Variants in PCNT observed in about 807,000 individuals in gnomAD.
The protein encoded by PCNT is pericentrin.
PCNT carries 319 observed loss-of-function variants against 380.4 expected under a neutral mutation model. The ratio of observed to expected loss-of-function variants is 0.84; its 90% CI spans 0.77 to 0.92. The LOEUF is 0.92. Among genes scored for constraint, PCNT ranks in the 40% least tolerant of loss-of-function variants. The probability of loss-of-function intolerance (pLI) is 0.00; values close to 1 mark genes in which losing one functional copy is unlikely to be tolerated. For synonymous variants in PCNT, 1,845 were observed against 1,735.2 expected, an observed-to-expected ratio of 1.06 and a Z score of -1.57; for missense variants, 4,400 against 4,255.3, an observed-to-expected ratio of 1.03 and a Z score of -0.95.
At chr21:46,326,241 C>G (rs1601733638) in intron 1 of PCNT, 136 bp from the exon 2 acceptor site, 3 of 739,298 alleles carry the variant, frequency 4.1e-6, no homozygotes, top group East Asian at 5.4e-5. Context: ...GGAGAGCCAT[C>G]TGTTGGCCAG....
At chr21:46,346,086 C>A in intron 3 of PCNT, 42 bp from the exon 4 acceptor site, 1 of 1,575,876 alleles carries the variant, frequency 6.3e-7, no homozygotes, top group Non-Finnish European at 8.7e-7. Flanking sequence ...TGTGGCTTCT[C>A]ATGTGAATTC....
At chr21:46,381,011 A>C (rs934917961) in intron 15 of PCNT, among the ~76,000 whole-genome samples, 1 of 151,938 alleles carries the variant, frequency 6.6e-6, no homozygotes, top group African/African-American at 2.4e-5. Flanking sequence ...TCTCTACTAA[A>C]AGAAAAATTA....
At chr21:46,335,732 G>A (rs1300843866) in intron 3 of PCNT, among the ~76,000 whole-genome samples, 2 of 142,900 alleles carry the variant, frequency 1.4e-5, no homozygotes, top group Non-Finnish European at 3.0e-5. Context: ...TTGCTCTATT[G>A]CCCAGGCTGG....
intron 7 of PCNT, 36 bp from the exon 8 acceptor site, chr21:46,349,648 T>C: frequency 6.2e-7 from 1 of 1,608,186 alleles, no homozygotes; most frequent in Non-Finnish European, 8.5e-7. Flanking sequence ...GAGAGTGATG[T>C]CTTGTAAACC....
chr21:46,380,915 A>G (rs1204661409), intron 15 of PCNT, among the ~76,000 whole-genome samples: 2 of 152,178 alleles, frequency 1.3e-5, no homozygotes, highest in African/African-American at 4.8e-5. Context: ...CTGTAATCCC[A>G]GCACTTTTGG....
intron 17 of PCNT, among the ~76,000 whole-genome samples, chr21:46,386,354 T>C (rs796830654): frequency 2.5e-4 from 38 of 152,342 alleles, no homozygotes; most frequent in African/African-American, 8.7e-4. Context: ...GGCCCACATG[T>C]CTCGTGGTTC....
chr21:46,418,146 G>A, intron 30 of PCNT, 58 bp from the exon 31 acceptor site: 1 of 1,103,238 alleles, frequency 9.1e-7, no homozygotes, highest in Admixed American at 1.7e-5. Context: ...ACCTGGCAAA[G>A]TCAGCGCTAT....
At chr21:46,442,787 G>GTAC (rs2053644704) in intron 44 of PCNT, 3 of 604,628 alleles carry the variant, frequency 5.0e-6, no homozygotes, top group Non-Finnish European at 8.8e-6. Context: ...AGGTCACAGG[G>GTAC]GCGTACGGCG....
chr21:46,378,844 T>C (rs1436047058), intron 15 of PCNT, among the ~76,000 whole-genome samples: 1 of 152,232 alleles, frequency 6.6e-6, no homozygotes, highest in Non-Finnish European at 1.5e-5. Context: ...CTGCCCTTTG[T>C]GCTCATATTG....
chr21:46,413,856 G>A (rs1230738341), intron 29 of PCNT, among the ~76,000 whole-genome samples: 6 of 152,220 alleles, frequency 3.9e-5, no homozygotes, highest in African/African-American at 9.7e-5. Context: ...GAGATTTAGC[G>A]AGAAAAGCGG....
intron 32 of PCNT, among the ~76,000 whole-genome samples, chr21:46,423,879 G>T (rs1401373898): frequency 4.0e-5 from 6 of 151,614 alleles, no homozygotes; most frequent in African/African-American, 1.2e-4. Context: ...GCTGTCCAGG[G>T]AGCACCTCCA....
At chr21:46,413,973 G>T (rs958062631) in intron 29 of PCNT, among the ~76,000 whole-genome samples, 3 of 149,628 alleles carry the variant, frequency 2.0e-5, no homozygotes, top group Non-Finnish European at 3.0e-5. Context: ...GGTGCAGATG[G>T]CACCTTTATT....
intron 6 of PCNT, among the ~76,000 whole-genome samples, 175 bp downstream of exon 6, chr21:46,347,687 G>A (rs2084117856): frequency 6.6e-6 from 1 of 152,162 alleles, no homozygotes; most frequent in Non-Finnish European, 1.5e-5. Flanking sequence ...ATTTGTATTT[G>A]TCAGAAAACT....
intron 14 of PCNT, among the ~76,000 whole-genome samples, chr21:46,365,848 A>G (rs114792260): frequency 0.17 from 17,238 of 99,866 alleles, 1,209 homozygotes; most frequent in South Asian, 0.28. Context: ...TCACTGCCAC[A>G]GGGTTCTGTT....
At chr21:46,336,969 A>G (rs1321275878) in intron 3 of PCNT, among the ~76,000 whole-genome samples, 1 of 146,136 alleles carries the variant, frequency 6.8e-6, no homozygotes, top group African/African-American at 2.5e-5. Flanking sequence ...TAAAAAAAAA[A>G]ATTAGAAGGT....
chr21:46,434,477 G>A (rs1353090492), intron 38 of PCNT, among the ~76,000 whole-genome samples: 2 of 152,206 alleles, frequency 1.3e-5, no homozygotes, highest in African/African-American at 2.4e-5. Context: ...GCCTCTTCCC[G>A]CTGGATCTGT....
chr21:46,401,101 A>G (rs1416027313), intron 25 of PCNT, among the ~76,000 whole-genome samples: 2 of 152,244 alleles, frequency 1.3e-5, no homozygotes, highest in Non-Finnish European at 2.9e-5. Flanking sequence ...TGGACTGTGT[A>G]TGCAATTTTA....
At chr21:46,445,217 G>A in intron 46 of PCNT, 67 bp from the exon 47 acceptor site, 2 of 1,084,940 alleles carry the variant, frequency 1.8e-6, no homozygotes. Flanking sequence ...CAAAATTGTG[G>A]AATTCTTTTC....
chr21:46,345,818 C>T (rs1026963167), intron 3 of PCNT, among the ~76,000 whole-genome samples: 2 of 152,180 alleles, frequency 1.3e-5, no homozygotes, highest in South Asian at 2.1e-4. Flanking sequence ...TTGATGTAAA[C>T]GGAACCTCAC....
Sources: allele counts gnomAD v4.1 joint callset (sites outside exome capture counted in the v4.1 genomes callset), GRCh38; gene constraint gnomAD v4.1.1; transcripts MANE v1.5; gene names NCBI Gene and HGNC (gene_info 2026-07-23, HGNC 2026-07-21).